METAP1: variants seen among roughly 807,000 people sequenced by gnomAD.
METAP1 encodes methionine aminopeptidase 1.
A neutral mutation model predicts 53.8 loss-of-function variants in METAP1; 28 were observed. The observed-to-expected ratio is 0.52, with a 90% CI of 0.39 to 0.71. METAP1 has a LOEUF of 0.71. Among genes scored for constraint, METAP1 ranks in the 30% least tolerant of loss-of-function variants. METAP1 has a pLI of 0.00. For synonymous variants in METAP1, 181 were observed against 165.7 expected, an observed-to-expected ratio of 1.09 and a Z score of -0.71; for missense variants, 389 against 479.8, an observed-to-expected ratio of 0.81 and a Z score of 1.77.
chr4:99,016,347 G>T (rs1243745923), intron 1 of METAP1, among the ~76,000 whole-genome samples: 1 of 152,156 alleles, frequency 6.6e-6, no homozygotes, highest in Admixed American at 6.5e-5. Flanking sequence ...TTGGTCCATC[G>T]TAGATGAGTC....
At chr4:99,012,017 T>C (rs545299961) in intron 1 of METAP1, among the ~76,000 whole-genome samples, 3 of 152,266 alleles carry the variant, frequency 2.0e-5, no homozygotes, top group Non-Finnish European at 2.9e-5. Flanking sequence ...TTGAGTCTTA[T>C]CTCTTTTCTT....
At chr4:99,053,114 TAA>T (rs1280533760) in intron 9 of METAP1, among the ~76,000 whole-genome samples, 1 of 152,248 alleles carries the variant, frequency 6.6e-6, no homozygotes, top group Non-Finnish European at 1.5e-5. Flanking sequence ...CTTGCTCCAC[TAA>T]GTTTCAAACT....
chr4:98,998,489 C>G (rs530028125), intron 1 of METAP1, among the ~76,000 whole-genome samples: 5 of 152,186 alleles, frequency 3.3e-5, no homozygotes, highest in Admixed American at 6.5e-5. Context: ...CACCACTGCA[C>G]TCTATCCTGG....
At chr4:99,048,259 A>T (rs539897918) in intron 8 of METAP1, among the ~76,000 whole-genome samples, 240 of 152,360 alleles carry the variant, frequency 1.6e-3, no homozygotes, top group Middle Eastern at 3.4e-3. Flanking sequence ...GGTTTGAATT[A>T]GAACTTTACC....
At chr4:99,009,813 C>A (rs186658263) in intron 1 of METAP1, among the ~76,000 whole-genome samples, 2 of 152,278 alleles carry the variant, frequency 1.3e-5, no homozygotes, top group Non-Finnish European at 2.9e-5. Context: ...TTCTCCTATT[C>A]CATAGGTTAC....
intron 4 of METAP1, 88 bp from the exon 5 acceptor site, chr4:99,039,286 T>A (rs772631941): frequency 1.3e-6 from 1 of 742,750 alleles, no homozygotes; most frequent in Non-Finnish European, 2.3e-6. Flanking sequence ...GTGAGACTAC[T>A]GTTTTTATGC....
chr4:99,049,655 A>G (rs533746538), intron 9 of METAP1, among the ~76,000 whole-genome samples: 1 of 152,158 alleles, frequency 6.6e-6, no homozygotes, highest in Non-Finnish European at 1.5e-5. Flanking sequence ...AAAGCTGTCC[A>G]CAGTAAGTGA....
At chr4:99,042,198 G>A (rs1725923571) in intron 6 of METAP1, among the ~76,000 whole-genome samples, 1 of 151,664 alleles carries the variant, frequency 6.6e-6, no homozygotes, top group Admixed American at 6.6e-5. Context: ...ACTATTATTT[G>A]TAATGCTATG....
At position 99,061,767 on chromosome 4, in the gene METAP1, A is replaced by G. The variant is rs1727559506; in HGVS notation, c.*450A>G. On this transcript the variant is annotated 3_prime_UTR_variant, in exon 11 of 11. Transcript: ENST00000296411. Reference sequence around the variant, plus strand: ...AGTTCTGTATACATAATTACCAAACACTATGTGACCTGGAGTTTGTGTTGT... The same window carrying G: ...AGTTCTGTATACATAATTACCAAACGCTATGTGACCTGGAGTTTGTGTTGT... 6.6e-6 allele frequency: 1 copy of G among 152,252 alleles called. No homozygotes were observed. Among genetic ancestry groups the G allele is most frequent in the Non-Finnish European group, 1.5e-5 (1 of 68,098 alleles). 9.4% of individuals were successfully genotyped at this position (152,252 alleles called of 1,614,324 possible).
intron 1 of METAP1, among the ~76,000 whole-genome samples, chr4:99,012,206 C>T (rs1323876776): frequency 6.6e-6 from 1 of 151,034 alleles, no homozygotes; most frequent in African/African-American, 2.4e-5. Flanking sequence ...CTTCTGTTAG[C>T]CTTAGGTTTT....
intron 9 of METAP1, among the ~76,000 whole-genome samples, chr4:99,052,062 A>C (rs750190381): frequency 5.3e-5 from 8 of 152,230 alleles, no homozygotes; most frequent in Admixed American, 1.3e-4. Context: ...GAATATCACA[A>C]TAAAGCAAGT....
chr4:99,044,287 A>G (rs913079541), intron 7 of METAP1, among the ~76,000 whole-genome samples: 2 of 152,142 alleles, frequency 1.3e-5, no homozygotes, highest in Non-Finnish European at 2.9e-5. Context: ...TCTTAAAGGA[A>G]CTACCTATCA....
chr4:99,042,943 G>A (rs148367233), intron 6 of METAP1, among the ~76,000 whole-genome samples: 22 of 152,062 alleles, frequency 1.4e-4, no homozygotes, highest in African/African-American at 4.6e-4. Flanking sequence ...GTGTCCTGTC[G>A]GTGTTCAGAA....
chr4:99,016,485 C>T (rs754074370), intron 1 of METAP1, among the ~76,000 whole-genome samples: 2 of 152,022 alleles, frequency 1.3e-5, no homozygotes, highest in Admixed American at 6.5e-5. Context: ...TAATGTGTGC[C>T]GTAAAGTGGG....
At chr4:99,059,216 A>G (rs953266809) in intron 10 of METAP1, among the ~76,000 whole-genome samples, 7 of 152,356 alleles carry the variant, frequency 4.6e-5, no homozygotes, top group Middle Eastern at 3.4e-3. Flanking sequence ...AAATCCCTGG[A>G]CTAGAAAGTC....
chr4:99,007,617 A>G (rs761666190), intron 1 of METAP1, among the ~76,000 whole-genome samples: 5 of 151,738 alleles, frequency 3.3e-5, no homozygotes, highest in Admixed American at 6.6e-5. Flanking sequence ...TAAATGAACT[A>G]CGTTCCACCA....
intron 1 of METAP1, among the ~76,000 whole-genome samples, chr4:99,011,529 C>T (rs1478287551): frequency 2.0e-5 from 3 of 152,138 alleles, no homozygotes; most frequent in Admixed American, 1.3e-4. Context: ...ATAGTCCTTT[C>T]AGTGTGCTAT....
At chr4:99,054,635 T>C (rs1479077370) in intron 9 of METAP1, among the ~76,000 whole-genome samples, 1 of 152,256 alleles carries the variant, frequency 6.6e-6, no homozygotes, top group East Asian at 1.9e-4. Flanking sequence ...TTGGCCTATC[T>C]AGGCTATTGA....
intron 1 of METAP1, among the ~76,000 whole-genome samples, chr4:99,007,314 T>G (rs1175340986): frequency 6.6e-6 from 1 of 152,156 alleles, no homozygotes; most frequent in Non-Finnish European, 1.5e-5. Flanking sequence ...TTTCATCACA[T>G]CAGGAGGCAC....
Sources: gnomAD v4.1 joint callset for allele counts (sites outside exome capture counted in the v4.1 genomes callset) on GRCh38, gnomAD v4.1.1 for gene constraint, MANE v1.5 for transcripts, NCBI Gene and HGNC (gene_info 2026-07-23, HGNC 2026-07-21) for gene names.